The following RANBP17 variants were observed in gnomAD, a reference collection of about 807,000 sequenced individuals.
RANBP17 encodes ran-binding protein 17.
RANBP17 carries 158 observed loss-of-function variants against 141.2 expected under a neutral mutation model. The ratio of observed to expected loss-of-function variants is 1.12; its 90% confidence interval spans 0.98 to 1.28. The LOEUF is 1.28. Among genes scored for constraint, RANBP17 ranks in the 50% most tolerant of loss-of-function variants. RANBP17 has a pLI of 0.00. For synonymous variants in RANBP17, 430 were observed against 450.0 expected, an observed-to-expected ratio of 0.96 and a Z score of 0.56; for missense variants, 1,438 against 1,290.7, an observed-to-expected ratio of 1.11 and a Z score of -1.75.
chr5:170,872,069 G>C (rs1767781260), intron 1 of RANBP17, among the ~76,000 whole-genome samples: 1 of 152,126 alleles, frequency 6.6e-6, no homozygotes, highest in Non-Finnish European at 1.5e-5. Flanking sequence ...GTCAATGGTA[G>C]TTTGATGGGA....
intron 24 of RANBP17, among the ~76,000 whole-genome samples, chr5:171,257,938 T>G (rs1766012054): frequency 6.6e-6 from 1 of 151,824 alleles, no homozygotes; most frequent in African/African-American, 2.4e-5. Context: ...AAACCCCGCC[T>G]CTACTAAAAA....
intron 14 of RANBP17, among the ~76,000 whole-genome samples, chr5:170,986,703 A>G (rs1274459927): frequency 6.6e-6 from 1 of 151,938 alleles, no homozygotes. Context: ...TTATCTGTGT[A>G]TATGGATTTC....
chr5:171,092,368 A>T (rs1290795954), intron 14 of RANBP17, among the ~76,000 whole-genome samples: 1 of 152,184 alleles, frequency 6.6e-6, no homozygotes, highest in Non-Finnish European at 1.5e-5. Flanking sequence ...TGTTGCAGTG[A>T]CTCATACAAC....
intron 14 of RANBP17, among the ~76,000 whole-genome samples, chr5:170,992,926 C>A (rs1778599360): frequency 6.6e-6 from 1 of 152,046 alleles, no homozygotes; most frequent in East Asian, 1.9e-4. Flanking sequence ...CTGAGGTAGG[C>A]CCAGCAAGCC....
intron 19 of RANBP17, among the ~76,000 whole-genome samples, chr5:171,201,102 C>T (rs1027250148): frequency 6.6e-6 from 1 of 152,186 alleles, no homozygotes; most frequent in Non-Finnish European, 1.5e-5. Context: ...CTGAAGATTT[C>T]ATTATATTCC....
At chr5:171,279,656 C>G (rs1354929775) in intron 25 of RANBP17, among the ~76,000 whole-genome samples, 1 of 152,064 alleles carries the variant, frequency 6.6e-6, no homozygotes, top group East Asian at 1.9e-4. Flanking sequence ...GTCTTCATAC[C>G]TAATGTCTCT....
At chr5:171,217,104 A>C (rs1763270433) in intron 21 of RANBP17, among the ~76,000 whole-genome samples, 1 of 152,134 alleles carries the variant, frequency 6.6e-6, no homozygotes, top group Non-Finnish European at 1.5e-5. Context: ...TAGTTTATTG[A>C]GAGTTTTTAG....
At chr5:170,867,947 A>C (rs79272742) in intron 1 of RANBP17, among the ~76,000 whole-genome samples, 1,989 of 152,202 alleles carry the variant, frequency 0.013, 47 homozygotes, top group African/African-American at 0.045. Flanking sequence ...CCCAGCCAGG[A>C]AATCACTGAT....
chr5:170,965,374 T>C (rs2127523541), intron 13 of RANBP17, among the ~76,000 whole-genome samples: 1 of 152,106 alleles, frequency 6.6e-6, no homozygotes, highest in East Asian at 1.9e-4. Context: ...TGGTGGTTTC[T>C]TTTGCTGTGC....
At position 170,962,937 on chromosome 5, in the gene RANBP17, C is replaced by T. The variant is rs560587697; in HGVS notation, c.1575-5305C>T. On this transcript the variant is annotated intron_variant, in intron 13 of 27. Coordinates refer to ENST00000523189, the MANE Select transcript of RANBP17 (RefSeq NM_022897.5). ...AAATTTTCGTATGCTGTGACCTAGA[C>T]GTTTTGTTTCGAGAAGTCATTGAGG... 5.3e-5 allele frequency among the ~76,000 whole-genome samples: 8 copies of T among 152,120 alleles called. No homozygotes were observed. The South Asian group carries it at 1.7e-3, about 32-fold the overall frequency.
chr5:171,293,840 C>A (rs1462698211), intron 25 of RANBP17, 43 bp from the exon 26 acceptor site: 1 of 1,452,804 alleles, frequency 6.9e-7, no homozygotes, highest in Non-Finnish European at 9.7e-7. Context: ...AGGGGGAACT[C>A]TGAGACAAGG....
rs1183397346 is a variant in RANBP17, at chr5:171,299,350, G to A, written c.*492G>A. On this transcript the variant is annotated 3_prime_UTR_variant, in exon 28 of 28. Coordinates refer to ENST00000523189, the MANE Select transcript of RANBP17 (RefSeq NM_022897.5). Reference sequence around the variant, plus strand: ...ACTTTGGGCTGTGAGCATTTAGAACGAGCCTGGAAGCACTACAGAGCATCC... The same window carrying A: ...ACTTTGGGCTGTGAGCATTTAGAACAAGCCTGGAAGCACTACAGAGCATCC... 8.6e-6 allele frequency: 2 copies of A among 232,766 alleles called. No homozygotes were observed. The highest frequency in any genetic ancestry group is 1.7e-5 in the Non-Finnish European group (2 of 117,640). The allele number at this position is 232,766 out of a possible 1,614,324, so 14.4% of individuals were successfully genotyped here.
At chr5:170,864,446 G>T (rs1767075041) in intron 1 of RANBP17, among the ~76,000 whole-genome samples, 1 of 152,164 alleles carries the variant, frequency 6.6e-6, no homozygotes, top group Non-Finnish European at 1.5e-5. Context: ...TGCTCCTAAT[G>T]CTTGGAGGGC....
intron 25 of RANBP17, among the ~76,000 whole-genome samples, chr5:171,277,637 G>GTGTGTGTGTATATA (rs1437482589): frequency 7.0e-5 from 4 of 56,916 alleles, no homozygotes; most frequent in African/African-American, 2.3e-4. Context: ...ATATATGTAT[G>GTGTGTGTGTATATA]TATATATATA....
chr5:170,968,708 G>T (rs1776772633), intron 14 of RANBP17: 1 of 461,886 alleles, frequency 2.2e-6, no homozygotes, highest in Admixed American at 2.4e-5. Context: ...TAGTTCCAGG[G>T]TTTTTTGGAC....
chr5:171,172,126 A>C, intron 16 of RANBP17, among the ~76,000 whole-genome samples: 1 of 151,974 alleles, frequency 6.6e-6, no homozygotes, highest in East Asian at 1.9e-4. Context: ...CCTTTAATGT[A>C]GGTTCATTCC....
chr5:170,967,608 CTAA>C (rs770685197), intron 13 of RANBP17, among the ~76,000 whole-genome samples: 50 of 150,960 alleles, frequency 3.3e-4, no homozygotes, highest in South Asian at 6.3e-4. Context: ...TTATAATTTT[CTAA>C]TAATAATAGT....
intron 12 of RANBP17, among the ~76,000 whole-genome samples, chr5:170,940,199 GTGCTATGCAAATA>G (rs1467016340): frequency 6.6e-6 from 1 of 152,082 alleles, no homozygotes; most frequent in African/African-American, 2.4e-5. Context: ...TTTTTAAAAT[GTGCTATGCAAATA>G]TGAACGTATA....
chr5:171,152,828 C>T (rs908974807), intron 14 of RANBP17, among the ~76,000 whole-genome samples: 2 of 152,186 alleles, frequency 1.3e-5, no homozygotes, highest in African/African-American at 4.8e-5. Context: ...TGCATTATAT[C>T]TTAATAAGTC....
Sources: gnomAD v4.1 joint callset for allele counts (sites outside exome capture counted in the v4.1 genomes callset) on GRCh38, gnomAD v4.1.1 for gene constraint, MANE v1.5 for transcripts, NCBI Gene and HGNC (gene_info 2026-07-23, HGNC 2026-07-21) for gene names.